The following PPM1D variants were observed in gnomAD, a reference collection of about 807,000 sequenced individuals.
PPM1D encodes protein phosphatase, Mg2+/Mn2+ dependent 1D.
PPM1D carries 52 observed loss-of-function variants against 58.3 expected under a neutral mutation model. The observed-to-expected ratio is 0.89, with a 90% confidence interval of 0.71 to 1.12. The LOEUF is 1.12. Among genes scored for constraint, PPM1D ranks in the 50% most tolerant of loss-of-function variants. The pLI is 0.00. For synonymous variants in PPM1D, 278 were observed against 285.1 expected (o/e 0.98, Z 0.25); for missense variants, 564 against 777.2 (o/e 0.73, Z 3.26).
Position 60,663,354 on chromosome 17 carries a change from G to T in PPM1D, c.1620G>T (p.Glu540Asp), listed in dbSNP as rs1008117441. The change falls in exon 6 of 6, where the codon GAG becomes GAT. Residue 540 changes from glutamate (E) to aspartate (D), a missense_variant. Around this residue, in one of 7 missense-constraint regions of PPM1D, gnomAD observed 261 missense variants for 270.1 expected, o/e 0.97. Transcript: ENST00000305921. ...CAAACTTTAAAAGGACATTAGAAGA[G>T]TCCAATTCTGGCCCCCTGATGAAGA... ...PPTNFKRTLE[E>D]SNSGPLMKKH... 1.2e-6 allele frequency: 2 copies of T among 1,614,198 alleles called. No individual in the cohort carries two copies. The highest frequency in any genetic ancestry group is 1.7e-5 in the Admixed American group (1 of 60,018).
At chr17:60,639,603 A>G (rs1010344387) in intron 3 of PPM1D, among the ~76,000 whole-genome samples, 3 of 152,004 alleles carry the variant, frequency 2.0e-5, no homozygotes, top group African/African-American at 7.2e-5. Flanking sequence ...GCACCCAGCT[A>G]CTTTTTGTAT....
intron 5 of PPM1D, among the ~76,000 whole-genome samples, chr17:60,657,857 A>G (rs916023504): frequency 6.6e-6 from 1 of 152,090 alleles, no homozygotes; most frequent in Non-Finnish European, 1.5e-5. Context: ...CTCCTGCCTC[A>G]GCCTCCCAAG....
chr17:60,657,369 G>A (rs1412325924), intron 5 of PPM1D, among the ~76,000 whole-genome samples: 2 of 152,074 alleles, frequency 1.3e-5, no homozygotes, highest in Non-Finnish European at 2.9e-5. Flanking sequence ...TTTGAAATAA[G>A]CAAATTTTAA....
rs1211703802 is a variant in PPM1D at position 60,662,979 on chromosome 17, CCTT to C, written c.1261-12_1261-10del. ...GATAAATTTTTTCTTATTTGTTTTA[CCTT>C]CTTATTTTTCAGTCACTGGAGGAGG... On this transcript the variant is annotated splice_polypyrimidine_tract_variant and intron_variant, in intron 5 of 5. Coordinates refer to ENST00000305921, the MANE Select transcript of PPM1D (RefSeq NM_003620.4). 6.3e-7 allele frequency: 1 copy of C among 1,576,696 alleles called. No individual in the cohort carries two copies. Among genetic ancestry groups the C allele is most frequent in the Non-Finnish European group, 8.6e-7 (1 of 1,161,700 alleles).
At chr17:60,655,453 A>G (rs866329097) in intron 4 of PPM1D, among the ~76,000 whole-genome samples, 2 of 152,106 alleles carry the variant, frequency 1.3e-5, no homozygotes, top group South Asian at 2.1e-4. Flanking sequence ...GGTTCAAGCA[A>G]TTCTCCTGTC....
intron 1 of PPM1D, among the ~76,000 whole-genome samples, chr17:60,603,268 G>GAAA (rs1423853114): frequency 6.6e-6 from 1 of 152,048 alleles, no homozygotes; most frequent in African/African-American, 2.4e-5. Flanking sequence ...GGACCCCAGA[G>GAAA]AGTTTTTATG....
chr17:60,640,884 G>T (rs1048761121), intron 3 of PPM1D, among the ~76,000 whole-genome samples: 3 of 151,834 alleles, frequency 2.0e-5, no homozygotes, highest in African/African-American at 7.3e-5. Flanking sequence ...AATTTACTTA[G>T]GATAATGGCC....
At chr17:60,618,120 A>G (rs1165844142) in intron 1 of PPM1D, among the ~76,000 whole-genome samples, 1 of 152,204 alleles carries the variant, frequency 6.6e-6, no homozygotes, top group Non-Finnish European at 1.5e-5. Flanking sequence ...CATGTTGAAC[A>G]ACTTGGGCTG....
rs745682253 is a variant in PPM1D at position 60,656,751 on chromosome 17, G to A, written c.1170G>A (p.Glu390=). The A allele has an allele frequency of 1.7e-5, 28 of 1,614,078 alleles. No individual in the cohort carries two copies. The highest frequency in any genetic ancestry group is 2.4e-5 in the Non-Finnish European group (28 of 1,180,050). Residue 390 remains glutamate (E), a synonymous_variant, in exon 5 of 6, where the codon GAG becomes GAA. Coordinates refer to ENST00000305921, the MANE Select transcript of PPM1D (RefSeq NM_003620.4). ...DNQGNFTNED[E]LYLNLTDSPS... is the part of the protein sequence containing the mutation. Reference sequence around the variant, plus strand: ...AGGGAAACTTTACCAATGAAGATGAGTTATACCTGAACCTGACTGACAGCC... The same window carrying A: ...AGGGAAACTTTACCAATGAAGATGAATTATACCTGAACCTGACTGACAGCC...
chr17:60,664,433 T>G lies in PPM1D; in HGVS notation c.*881T>G, dbSNP rs1453396215. On this transcript the variant is annotated 3_prime_UTR_variant, in exon 6 of 6. Coordinates refer to ENST00000305921, the MANE Select transcript of PPM1D (RefSeq NM_003620.4). ...TTTTATATCATACAGTTTTCATTGATTATATGGGTATATATTCATCTAATA... is the reference window on the plus strand; with the variant it reads ...TTTTATATCATACAGTTTTCATTGAGTATATGGGTATATATTCATCTAATA... The G allele has an allele frequency of 6.6e-6, 1 of 152,670 alleles. No individual in the cohort carries two copies. Among genetic ancestry groups the G allele is most frequent in the Non-Finnish European group, 1.5e-5 (1 of 68,042 alleles). 9.5% of individuals were successfully genotyped at this position (152,670 alleles called of 1,614,324 possible). A position where few individuals can be genotyped will look rare whatever the true frequency, so the allele number is the denominator to read the frequency against.
At chr17:60,603,492 C>T (rs1318147364) in intron 1 of PPM1D, among the ~76,000 whole-genome samples, 2 of 152,118 alleles carry the variant, frequency 1.3e-5, no homozygotes, top group Admixed American at 6.5e-5. Context: ...GCTGAATGGC[C>T]GGGCGCACGC....
intron 1 of PPM1D, among the ~76,000 whole-genome samples, chr17:60,615,284 C>A (rs1177835870): frequency 6.6e-6 from 1 of 151,934 alleles, no homozygotes; most frequent in African/African-American, 2.4e-5. Flanking sequence ...GTAGCCAGCC[C>A]AGGCAAACCC....
At chr17:60,610,366 GAC>G (rs766598734) in intron 1 of PPM1D, among the ~76,000 whole-genome samples, 1 of 152,022 alleles carries the variant, frequency 6.6e-6, no homozygotes, top group Non-Finnish European at 1.5e-5. Context: ...TCTTCATGTT[GAC>G]ACACGTAGCT....
At chr17:60,617,470 AG>A (rs1476224876) in intron 1 of PPM1D, among the ~76,000 whole-genome samples, 1 of 151,652 alleles carries the variant, frequency 6.6e-6, no homozygotes, top group African/African-American at 2.4e-5. Context: ...TGAGCCCAGG[AG>A]GTCAAGGTTG....
intron 3 of PPM1D, among the ~76,000 whole-genome samples, chr17:60,643,351 A>G (rs867502408): frequency 6.6e-6 from 1 of 152,216 alleles, no homozygotes; most frequent in South Asian, 2.1e-4. Context: ...AATGCACTCC[A>G]TCCTGGGCAA....
intron 1 of PPM1D, among the ~76,000 whole-genome samples, chr17:60,614,040 T>G (rs544053147): frequency 1.9e-5 from 1 of 52,838 alleles, no homozygotes; most frequent in South Asian, 1.3e-3. Flanking sequence ...GGCCCGGGAC[T>G]GGCAGGCAGC....
At chr17:60,651,424 A>T (rs1256645169) in intron 4 of PPM1D, among the ~76,000 whole-genome samples, 4 of 143,990 alleles carry the variant, frequency 2.8e-5, no homozygotes, top group Admixed American at 7.0e-5. Flanking sequence ...TTTGAGATGT[A>T]ATCTCGCTGT....
chr17:60,620,214 G>A (rs1426551609), intron 1 of PPM1D, among the ~76,000 whole-genome samples: 4 of 152,060 alleles, frequency 2.6e-5, no homozygotes, highest in Admixed American at 2.6e-4. Flanking sequence ...AGCCAGGCTG[G>A]TATTGAACTC....
intron 3 of PPM1D, among the ~76,000 whole-genome samples, chr17:60,637,850 A>G (rs769664704): frequency 4.6e-5 from 7 of 152,226 alleles, no homozygotes; most frequent in Non-Finnish European, 1.0e-4. Context: ...TAACAGCTGT[A>G]AGTCAAATAG....
Sources: allele counts gnomAD v4.1 joint callset (sites outside exome capture counted in the v4.1 genomes callset), GRCh38; gene constraint gnomAD v4.1.1; regional missense constraint gnomAD v4.1.1; transcripts MANE v1.5; gene names NCBI Gene and HGNC (gene_info 2026-07-23, HGNC 2026-07-21).